ZFHX3: variants seen among roughly 807,000 people sequenced by gnomAD.
ZFHX3 encodes the protein zinc finger homeobox protein 3.
In ZFHX3, 42 loss-of-function variants were observed where a neutral mutation model predicts 279.1. That is an observed-to-expected ratio of 0.15 (90% CI 0.12 to 0.19). The LOEUF is 0.19. Ranked by LOEUF, ZFHX3 falls within the 10% of genes least tolerant of loss-of-function variation. The probability of loss-of-function intolerance (pLI) is 1.00; values close to 1 mark genes in which losing one functional copy is unlikely to be tolerated. For missense variants in ZFHX3, 4,981 were observed against 4,754.0 expected (o/e 1.05, Z -1.40); for synonymous variants, 2,293 against 1,957.8 (o/e 1.17, Z -4.52).
At chr16:73,590,198 T>G (rs1348618195) in intron 2 of ZFHX3, among the ~76,000 whole-genome samples, 2 of 152,158 alleles carry the variant, frequency 1.3e-5, no homozygotes, top group South Asian at 2.1e-4. Context: ...TGTGAACTCA[T>G]GATATAAAGA....
chr16:73,840,201 G>A (rs553090376), intron 1 of ZFHX3, among the ~76,000 whole-genome samples: 5 of 152,262 alleles, frequency 3.3e-5, no homozygotes, highest in Admixed American at 6.5e-5. Flanking sequence ...GAGGATGAAC[G>A]TAGCAGGGAG....
At chr16:73,063,969 C>G (rs1053665817), upstream of ZFHX3, among the ~76,000 whole-genome samples, 2 of 152,122 alleles carry the variant, frequency 1.3e-5, no homozygotes, top group African/African-American at 4.8e-5. Context: ...GTCCCCGCGC[C>G]CAGGTGACGT....
At chr16:73,629,915 G>A (rs74849611) in intron 2 of ZFHX3, among the ~76,000 whole-genome samples, 2,587 of 152,290 alleles carry the variant, frequency 0.017, 36 homozygotes, top group Non-Finnish European at 0.028. Flanking sequence ...GTAATGGAGA[G>A]AATGGTGCAG....
intron 8 of ZFHX3, among the ~76,000 whole-genome samples, chr16:73,085,985 CAAAAAA>C (rs57128744): frequency 1.8e-4 from 10 of 54,220 alleles, no homozygotes; most frequent in South Asian, 1.4e-3. Context: ...AACTCAATTG[CAAAAAA>C]AAAAAAAAAA....
intron 2 of ZFHX3, among the ~76,000 whole-genome samples, chr16:73,581,859 A>G (rs1308048107): frequency 6.6e-6 from 1 of 151,378 alleles, no homozygotes. Context: ...TATTTTTAGT[A>G]GAGACAGGGT....
chr16:73,843,442 A>T (rs1447507702), intron 1 of ZFHX3, among the ~76,000 whole-genome samples: 3 of 152,232 alleles, frequency 2.0e-5, no homozygotes, highest in Non-Finnish European at 4.4e-5. Context: ...CACTGAGGAA[A>T]CGGATTGTGT....
At chr16:73,700,421 T>G (rs2053236159) in intron 1 of ZFHX3, among the ~76,000 whole-genome samples, 1 of 152,158 alleles carries the variant, frequency 6.6e-6, no homozygotes, top group Admixed American at 6.5e-5. Context: ...AATTATAAAT[T>G]TAGATAATTC....
At chr16:73,156,771 T>C (rs1032274051) in intron 5 of ZFHX3, among the ~76,000 whole-genome samples, 6 of 151,816 alleles carry the variant, frequency 4.0e-5, no homozygotes, top group Non-Finnish European at 7.4e-5. Flanking sequence ...TGGAGTGCAA[T>C]GGTGTGATCT....
At chr16:72,833,933 C>A (rs1271055473) in intron 4 of ZFHX3, among the ~76,000 whole-genome samples, 1 of 152,178 alleles carries the variant, frequency 6.6e-6, no homozygotes, top group Non-Finnish European at 1.5e-5. Flanking sequence ...CCATGTTCAA[C>A]AGTGACTGAA....
At chr16:73,090,656 G>A (rs533260897) in intron 8 of ZFHX3, among the ~76,000 whole-genome samples, 2 of 151,834 alleles carry the variant, frequency 1.3e-5, no homozygotes, top group South Asian at 4.2e-4. Flanking sequence ...GGAGGCCAAG[G>A]CAGGCAGATT....
At chr16:72,988,143 G>A (rs909595416) in intron 1 of ZFHX3, among the ~76,000 whole-genome samples, 1 of 152,192 alleles carries the variant, frequency 6.6e-6, no homozygotes, top group Non-Finnish European at 1.5e-5. Flanking sequence ...CTGCATAAGT[G>A]CTAAGAACCA....
chr16:73,607,798 G>A (rs1446301698), intron 2 of ZFHX3, among the ~76,000 whole-genome samples: 1 of 152,180 alleles, frequency 6.6e-6, no homozygotes, highest in Non-Finnish European at 1.5e-5. Flanking sequence ...CTGTGCGGTG[G>A]CTCATGCCTG....
chr16:73,058,275 G>GGAAGAA (rs563780064), intron 1 of ZFHX3, among the ~76,000 whole-genome samples: 1,747 of 143,982 alleles, frequency 0.012, 15 homozygotes, highest in Non-Finnish European at 0.02. Context: ...GGGAGGAGGA[G>GGAAGAA]GAAGAAGAAG....
Position 73,328,193 on chromosome 16 carries a change from T to C in ZFHX3, c.-1290-9857A>G, listed in dbSNP as rs112743503. The stretch of plus-strand genomic sequence containing the variant: ...TTGGATCCATCTGTAGTGCGTATTA[T>C]AATCAACTGATGTTACCAGATCTTC... On this transcript the variant is annotated intron_variant, in intron 3 of 17. Coordinates refer to the ZFHX3 transcript ENST00000641206. Among the ~76,000 whole-genome samples, 12 of 152,332 alleles carry C rather than the reference T, an allele frequency of 7.9e-5. 1 individual carries two copies. Among genetic ancestry groups the C allele is most frequent in the African/African-American group, 2.9e-4 (12 of 41,572 alleles).
intron 1 of ZFHX3, among the ~76,000 whole-genome samples, chr16:73,753,985 A>ACTGTGTGTGTGTGTGTGTGTGTGTGTGT (rs2053783574): frequency 3.4e-5 from 1 of 29,444 alleles, no homozygotes; most frequent in Non-Finnish European, 5.9e-5. Flanking sequence ...AGTAAGAATC[A>ACTGTGTGTGTGTGTGTGTGTGTGTGTGT]ATGTGTGTGT....
At chr16:72,822,832 G>C (rs1012475487) in intron 5 of ZFHX3, among the ~76,000 whole-genome samples, 8 of 127,776 alleles carry the variant, frequency 6.3e-5, no homozygotes, top group African/African-American at 2.1e-4. Flanking sequence ...TCCTGTACCT[G>C]CCTTAGATAT....
chr16:73,035,796 C>T (rs1433526844), intron 1 of ZFHX3, among the ~76,000 whole-genome samples: 3 of 152,152 alleles, frequency 2.0e-5, no homozygotes, highest in South Asian at 2.1e-4. Flanking sequence ...CCCAGCTACT[C>T]GGGAGGCTGA....
chr16:73,292,410 G>A (rs1253771951), intron 4 of ZFHX3, among the ~76,000 whole-genome samples: 1 of 152,180 alleles, frequency 6.6e-6, no homozygotes, highest in Non-Finnish European at 1.5e-5. Flanking sequence ...GCATTCTGTG[G>A]CTTTAACTTC....
rs78466799 is a variant in ZFHX3, at chr16:72,930,537, C to T, written c.3216+19932G>A. ...GTCCTAAGACCCGAAATGATCTGAA[C>T]ACAACCCGCTTGTGACATAATGGCA... On this transcript the variant is annotated intron_variant, in intron 3 of 9. Coordinates refer to ENST00000268489, the MANE Select transcript of ZFHX3 (RefSeq NM_006885.4). Among the ~76,000 whole-genome samples, 689 of 152,172 alleles carry T rather than the reference C, an allele frequency of 4.5e-3. 2 individuals are homozygous for T. Among genetic ancestry groups the T allele is most frequent in the African/African-American group, 0.016 (654 of 41,530 alleles).
Sources: allele counts gnomAD v4.1 joint callset (sites outside exome capture counted in the v4.1 genomes callset), GRCh38; gene constraint gnomAD v4.1.1; transcripts MANE v1.5; gene names NCBI Gene and HGNC (gene_info 2026-07-23, HGNC 2026-07-21).